Variants in SCAP observed in about 807,000 individuals in gnomAD.
SCAP encodes sterol regulatory element-binding protein cleavage-activating protein.
A neutral mutation model predicts 123.6 loss-of-function variants in SCAP; 65 were observed. The ratio of observed to expected loss-of-function variants is 0.53; its 90% CI spans 0.43 to 0.65. SCAP has a LOEUF of 0.65. Ranked by LOEUF, SCAP falls within the 30% of genes least tolerant of loss-of-function variation. The probability of loss-of-function intolerance (pLI) is 0.00; values close to 1 mark genes in which losing one functional copy is unlikely to be tolerated. For synonymous variants in SCAP, 740 were observed against 726.3 expected (o/e 1.02, Z -0.30); for missense variants, 1,398 against 1,712.5 (o/e 0.82, Z 3.24).
rs897636919 is a variant in SCAP, at chr3:47,414,113, C to T, written c.3595-14G>A. Reference sequence around the variant, plus strand: ...ACAGCCCAGGTCCTGGAGGCAAGGACATGACAAGCTCAGTCCTGAGTCCTT... The same window carrying T: ...ACAGCCCAGGTCCTGGAGGCAAGGATATGACAAGCTCAGTCCTGAGTCCTT... On this transcript the variant is annotated splice_polypyrimidine_tract_variant and intron_variant, in intron 22 of 22. Coordinates refer to ENST00000265565, the MANE Select transcript of SCAP (RefSeq NM_012235.4). 1.2e-6 allele frequency: 2 copies of T among 1,613,480 alleles called. No individual in the cohort carries two copies. The highest frequency in any genetic ancestry group is 1.7e-6 in the Non-Finnish European group (2 of 1,180,018).
intron 1 of SCAP, among the ~76,000 whole-genome samples, chr3:47,466,913 A>G (rs1051928154): frequency 2.0e-5 from 3 of 151,918 alleles, no homozygotes; most frequent in Admixed American, 6.6e-5. Flanking sequence ...GCAAGACCCC[A>G]TATCTTAAAA....
rs142134807 is a variant in SCAP at position 47,469,491 on chromosome 3, A to G, written c.-99+6308T>C. The stretch of plus-strand genomic sequence containing the variant: ...TTCTTCCTCAGCTTCCCAAGTAGCT[A>G]GAATTACAGGTGCGTGCCACCATGA... On this transcript the variant is annotated intron_variant, in intron 1 of 22. Coordinates refer to ENST00000265565, the MANE Select transcript of SCAP (RefSeq NM_012235.4). Among the ~76,000 whole-genome samples, 410 of 152,314 alleles carry G rather than the reference A, an allele frequency of 2.7e-3. 2 individuals carry two copies. The highest frequency in any genetic ancestry group is 3.8e-3 in the Non-Finnish European group (259 of 68,024).
At chr3:47,442,362 C>A (rs1266080146) in intron 2 of SCAP, among the ~76,000 whole-genome samples, 1 of 152,182 alleles carries the variant, frequency 6.6e-6, no homozygotes, top group East Asian at 1.9e-4. Flanking sequence ...TTGGCAAGTG[C>A]AGCTGGCCAC....
intron 16 of SCAP, 91 bp downstream of exon 16, chr3:47,418,043 G>T: frequency 1.1e-6 from 1 of 929,036 alleles, no homozygotes; most frequent in Non-Finnish European, 1.6e-6. Context: ...GGGATACCTC[G>T]GAGGAAGAAA....
chr3:47,450,767 T>A (rs1707206181), intron 1 of SCAP, among the ~76,000 whole-genome samples: 1 of 124,264 alleles, frequency 8.0e-6, no homozygotes, highest in African/African-American at 2.8e-5. Context: ...CCCAAACTGA[T>A]TATAGGTGTG....
rs1706010081 is a variant in SCAP at position 47,423,786 on chromosome 3, C to T, written c.1150+147G>A. On this transcript the variant is annotated intron_variant, in intron 9 of 22. Coordinates refer to ENST00000265565, the MANE Select transcript of SCAP (RefSeq NM_012235.4). ...GGCACACACTCAAGAGCTGCCAGGG[C>T]CCAGTGGCCCACTGCATATTATGCC... 4.7e-6 allele frequency: 3 copies of T among 643,210 alleles called. No individual in the cohort carries two copies. In the Admixed American group the frequency reaches 7.3e-5, roughly 16 times the overall value. The allele number at this position is 643,210 out of a possible 1,614,324, so 39.8% of individuals were successfully genotyped here.
rs1439106346 is a variant in SCAP, at chr3:47,413,763, A to AGAT, written c.*88_*90dup. 4.0e-6 allele frequency: 6 copies of AGAT among 1,492,174 alleles called. No homozygotes were observed. In the African/African-American group the frequency reaches 7.0e-5, roughly 17 times the overall value. 92.4% of individuals were successfully genotyped at this position (1,492,174 alleles called of 1,614,324 possible). On this transcript the variant is annotated 3_prime_UTR_variant, in exon 23 of 23. Transcript: ENST00000265565. ...TTACAGTCAGGAGGCAGCGGCTGGA[A>AGAT]GATACTCGGCTCTTTCCCCCAAGTC...
At chr3:47,437,715 C>A (rs957721381) in intron 2 of SCAP, among the ~76,000 whole-genome samples, 4 of 151,970 alleles carry the variant, frequency 2.6e-5, no homozygotes, top group African/African-American at 4.8e-5. Flanking sequence ...GCATTCCAGC[C>A]TAGGTGACAG....
intron 3 of SCAP, among the ~76,000 whole-genome samples, chr3:47,429,814 T>C (rs1028271506): frequency 1.3e-5 from 2 of 152,222 alleles, no homozygotes; most frequent in Non-Finnish European, 2.9e-5. Flanking sequence ...CCGCAAAGCC[T>C]AAATGTTTAC....
At chr3:47,448,833 G>A (rs181139159) in intron 1 of SCAP, among the ~76,000 whole-genome samples, 1 of 152,210 alleles carries the variant, frequency 6.6e-6, no homozygotes, top group East Asian at 1.9e-4. Context: ...GTGTCATGTT[G>A]TGGTTGCCAT....
Position 47,418,451 on chromosome 3 carries a change from C to T in SCAP, c.2201G>A (p.Cys734Tyr). 1 of 1,596,158 alleles carries T rather than the reference C, an allele frequency of 6.3e-7. No homozygotes were observed. The highest frequency in any genetic ancestry group is 8.5e-7 in the Non-Finnish European group (1 of 1,174,040). ...ACCCAGCTGCCCGTAGTTGCGCGGGCATAGCACGCGGTAGAGGCAGAGCAG... is the reference window on the plus strand; with the variant it reads ...ACCCAGCTGCCCGTAGTTGCGCGGGTATAGCACGCGGTAGAGGCAGAGCAG... ...LLLLCLYRVLCPRNYGQLGGG... is the reference protein window; with the variant it reads ...LLLLCLYRVLYPRNYGQLGGG... The change falls in exon 15 of 23, where the codon TGC (cysteine) becomes TAC (tyrosine). Residue 734 changes from cysteine to tyrosine, a missense_variant. By Grantham distance (194) the Cys-to-Tyr change is radical. Transcript: ENST00000265565.
At chr3:47,423,334 C>T (rs992766828) in intron 9 of SCAP, among the ~76,000 whole-genome samples, 4 of 152,242 alleles carry the variant, frequency 2.6e-5, no homozygotes, top group Non-Finnish European at 4.4e-5. Flanking sequence ...AAATGGCCAG[C>T]CCCCGGGGCT....
chr3:47,430,017 T>C (rs948329267), intron 3 of SCAP, among the ~76,000 whole-genome samples: 1 of 152,200 alleles, frequency 6.6e-6, no homozygotes, highest in Non-Finnish European at 1.5e-5. Context: ...CATCTCTGGA[T>C]TTCAATTTCC....
In SCAP at chr3:47,418,387, G is replaced by T; in HGVS notation, c.2265C>A (p.Cys755Ter). ...PGRRRRGELPCDDYGYAPPET... is the reference protein window; with the variant it reads ...PGRRRRGELP ...CGGGTGGCGCATAGCCGTAGTCGTC[G>T]CAGGGCAGCTCCCCGCGCCTCCGCC... Residue 755 changes from cysteine (C) to a stop codon, truncating the protein, a stop_gained, in exon 15 of 23, where the codon TGC (cysteine) becomes TGA (stop). Coordinates refer to ENST00000265565, the MANE Select transcript of SCAP (RefSeq NM_012235.4). LOFTEE classifies it high-confidence loss of function. 1.3e-6 allele frequency: 2 copies of T among 1,574,818 alleles called. No individual in the cohort carries two copies. Among genetic ancestry groups the T allele is most frequent in the Non-Finnish European group, 1.7e-6 (2 of 1,163,798 alleles).
At position 47,427,562 on chromosome 3, in the gene SCAP, C is replaced by T. The variant is rs142581614; in HGVS notation, c.516G>A (p.Leu172=). ...CATTCTGCCAGAAGTTCCCAGGGGA[C>T]AGCAGCAGGCATCCATGCTCAGGGA... The part of the protein sequence containing the change: ...NLLPEHGCLL[L]SPGNFWQNDW... The change falls in exon 5 of 23, where the codon CTG becomes CTA. Residue 172 remains leucine, a synonymous_variant. Transcript: ENST00000265565. The T allele has an allele frequency of 1.2e-6, 2 of 1,614,192 alleles. No homozygotes were observed. Among genetic ancestry groups the T allele is most frequent in the Non-Finnish European group, 1.7e-6 (2 of 1,180,024 alleles).
chr3:47,451,987 C>G (rs755728873), intron 1 of SCAP, among the ~76,000 whole-genome samples: 5 of 152,220 alleles, frequency 3.3e-5, no homozygotes, highest in African/African-American at 4.8e-5. Flanking sequence ...ATTCCCTCTT[C>G]TCTTTATAGG....
chr3:47,423,019 C>T (rs1339510693), intron 9 of SCAP, among the ~76,000 whole-genome samples: 2 of 152,246 alleles, frequency 1.3e-5, no homozygotes, highest in African/African-American at 4.8e-5. Flanking sequence ...CGCTATCACA[C>T]TGTCGCATGT....
At chr3:47,454,418 CATACATACATAA>C (rs2107966817) in intron 1 of SCAP, among the ~76,000 whole-genome samples, 1 of 151,984 alleles carries the variant, frequency 6.6e-6, no homozygotes, top group African/African-American at 2.4e-5. Context: ...CGTTGATTTA[CATACATACATAA>C]ATACATACAT....
Position 47,417,199 on chromosome 3 carries a change from G to A in SCAP, c.2979C>T (p.Asp993=), listed in dbSNP as rs201484527. ...GRSSGRLEVW[D]AIEGVLCCSS... is the part of the protein sequence containing the mutation. Reference sequence around the variant, plus strand: ...TGCAGCACAGCACCCCTTCAATGGCGTCCCACACCTACGAGTCCAGAGGCT... The same window carrying A: ...TGCAGCACAGCACCCCTTCAATGGCATCCCACACCTACGAGTCCAGAGGCT... Residue 993 remains aspartate (D), a synonymous_variant, in exon 18 of 23, where the codon GAC becomes GAT. Transcript: ENST00000265565. 249 of 1,612,978 alleles carry A rather than the reference G, an allele frequency of 1.5e-4. 1 individual carries two copies. Among genetic ancestry groups the A allele is most frequent in the Admixed American group, 7.3e-4 (44 of 60,020 alleles).
Sources: gnomAD v4.1 joint callset for allele counts (sites outside exome capture counted in the v4.1 genomes callset) on GRCh38, gnomAD v4.1.1 for gene constraint, MANE v1.5 for transcripts, NCBI Gene and HGNC (gene_info 2026-07-23, HGNC 2026-07-21) for gene names.